The following WDR43 variants were observed in gnomAD, a reference collection of about 807,000 sequenced individuals.
The protein encoded by WDR43 is WD repeat-containing protein 43.
Under a neutral mutation model 91.4 loss-of-function variants are expected in WDR43, and 13 were observed. That is an observed-to-expected ratio of 0.14 (90% confidence interval 0.09 to 0.23). The LOEUF (loss-of-function observed/expected upper bound fraction) is 0.23, where lower values mean the gene tolerates loss of function less well. Among genes scored for constraint, WDR43 ranks in the 10% least tolerant of loss-of-function variants. The pLI, the probability that WDR43 is intolerant of heterozygous loss-of-function variation, is 1.00. For synonymous variants in WDR43, 331 were observed against 287.9 expected, an observed-to-expected ratio of 1.15 and a Z score of -1.51; for missense variants, 780 against 809.4, an observed-to-expected ratio of 0.96 and a Z score of 0.44.
At chr2:28,896,228 T>TG (rs1299687028) in intron 1 of WDR43, among the ~76,000 whole-genome samples, 3 of 152,134 alleles carry the variant, frequency 2.0e-5, no homozygotes, top group Non-Finnish European at 4.4e-5. Context: ...TACGGAGCAG[T>TG]GGTTAGGTAG....
At chr2:28,926,308 A>G (rs1014408658) in intron 8 of WDR43, among the ~76,000 whole-genome samples, 160 bp from the exon 9 acceptor site, 1 of 152,208 alleles carries the variant, frequency 6.6e-6, no homozygotes, top group East Asian at 1.9e-4. Flanking sequence ...GATCGTGGTT[A>G]ACAATTGAGT....
At position 28,901,902 on chromosome 2, in the gene WDR43, G is replaced by T. The variant is rs959142151; in HGVS notation, c.226-85G>T. On this transcript the variant is annotated intron_variant, in intron 1 of 17. Transcript: ENST00000407426. ...CCCCCCTTTTAAAATGTCTTTTGTGGGCTGGTGGGCATTTGTATTTGTTCA... is the reference window on the plus strand; with the variant it reads ...CCCCCCTTTTAAAATGTCTTTTGTGTGCTGGTGGGCATTTGTATTTGTTCA... 3.8e-6 allele frequency: 5 copies of T among 1,317,810 alleles called. No homozygotes were observed. In the African/African-American group the frequency reaches 7.6e-5, roughly 20 times the overall value. 81.6% of individuals were successfully genotyped at this position (1,317,810 alleles called of 1,614,324 possible).
chr2:28,902,344 T>G (rs558411990), intron 2 of WDR43, among the ~76,000 whole-genome samples: 2 of 152,314 alleles, frequency 1.3e-5, no homozygotes, highest in East Asian at 3.9e-4. Flanking sequence ...ACTTATTGAC[T>G]AGGTTTAAAA....
intron 5 of WDR43, among the ~76,000 whole-genome samples, chr2:28,916,794 A>G (rs1670919405): frequency 6.6e-6 from 1 of 151,932 alleles, no homozygotes; most frequent in African/African-American, 2.4e-5. Flanking sequence ...TTTTTCATCT[A>G]TTTATTTTTT....
chr2:28,936,449 G>A (rs1671338553), intron 12 of WDR43, among the ~76,000 whole-genome samples: 1 of 152,150 alleles, frequency 6.6e-6, no homozygotes, highest in Non-Finnish European at 1.5e-5. Flanking sequence ...GGGTGGTCAT[G>A]TGTTTTTGTA....
chr2:28,926,671 T>C (rs1671149544), intron 9 of WDR43, 117 bp downstream of exon 9: 1 of 895,440 alleles, frequency 1.1e-6, no homozygotes. Context: ...CTTTATTCTC[T>C]TGTCTTATAA....
intron 14 of WDR43, 86 bp downstream of exon 14, chr2:28,938,080 A>C: frequency 7.1e-7 from 1 of 1,410,508 alleles, no homozygotes; most frequent in Non-Finnish European, 9.9e-7. Flanking sequence ...GCTGAACAAA[A>C]CCATCCTTTC....
intron 7 of WDR43, among the ~76,000 whole-genome samples, chr2:28,924,239 G>A (rs1671087626): frequency 6.6e-6 from 1 of 152,180 alleles, no homozygotes; most frequent in Admixed American, 6.5e-5. Flanking sequence ...AAACCACTAA[G>A]AAAGGAATTC....
chr2:28,904,006 T>C (rs771584123), intron 2 of WDR43, among the ~76,000 whole-genome samples: 1 of 152,154 alleles, frequency 6.6e-6, no homozygotes, highest in Non-Finnish European at 1.5e-5. Context: ...GGTTTTGTCA[T>C]GTTGGCCATG....
chr2:28,896,259 T>C (rs1225306937), intron 1 of WDR43, among the ~76,000 whole-genome samples: 1 of 152,224 alleles, frequency 6.6e-6, no homozygotes, highest in Non-Finnish European at 1.5e-5. Flanking sequence ...CCAAGCTGGC[T>C]ATATTGTCTA....
intron 16 of WDR43, among the ~76,000 whole-genome samples, chr2:28,945,358 C>A (rs952993984): frequency 7.9e-5 from 12 of 152,210 alleles, no homozygotes; most frequent in African/African-American, 2.9e-4. Flanking sequence ...GTAAAATATC[C>A]TTTAAAGCTG....
intron 3 of WDR43, among the ~76,000 whole-genome samples, chr2:28,907,686 A>G (rs1175663348): frequency 6.6e-6 from 1 of 152,072 alleles, no homozygotes; most frequent in Non-Finnish European, 1.5e-5. Context: ...CGGGAGGATC[A>G]TGAGGTCAGG....
At chr2:28,919,639 G>C (rs1165369304) in intron 6 of WDR43, among the ~76,000 whole-genome samples, 2 of 151,618 alleles carry the variant, frequency 1.3e-5, no homozygotes, top group Non-Finnish European at 2.9e-5. Context: ...CTGGGTGACA[G>C]AGCGAGACTC....
intron 16 of WDR43, 50 bp from the exon 17 acceptor site, chr2:28,946,400 A>G: frequency 1.3e-6 from 2 of 1,559,176 alleles, no homozygotes; most frequent in Non-Finnish European, 1.7e-6. Flanking sequence ...TCCAGGCTGT[A>G]CCCTCTGTTT....
chr2:28,896,859 T>A (rs1670490115), intron 1 of WDR43, among the ~76,000 whole-genome samples: 1 of 152,056 alleles, frequency 6.6e-6, no homozygotes, highest in Non-Finnish European at 1.5e-5. Context: ...CAAACGAGAG[T>A]TGAGCTACAT....
intron 8 of WDR43, among the ~76,000 whole-genome samples, chr2:28,926,166 G>A (rs761031983): frequency 6.6e-6 from 1 of 152,096 alleles, no homozygotes; most frequent in Non-Finnish European, 1.5e-5. Context: ...AACCTGTTAC[G>A]TTTAAAAATT....
Position 28,946,472 on chromosome 2 carries a change from T to A in WDR43, c.1827T>A (p.Asp609Glu). 1 of 1,612,134 alleles carries A rather than the reference T, an allele frequency of 6.2e-7. No homozygotes were observed. Among genetic ancestry groups the A allele is most frequent in the Non-Finnish European group, 8.5e-7 (1 of 1,179,124 alleles). The change falls in exon 17 of 18, where the codon GAT becomes GAA. Residue 609 changes from aspartate to glutamate, a missense_variant. Transcript: ENST00000407426. ...YEEESSEEESDDEIADKDSED... is the reference protein window; with the variant it reads ...YEEESSEEESEDEIADKDSED... The stretch of plus-strand genomic sequence containing the variant: ...CAGAGTCTTCTGAAGAGGAGTCTGA[T>A]GATGAAATAGCAGATAAGGATTCTG...
chr2:28,916,870 C>T (rs1183644410), intron 5 of WDR43, among the ~76,000 whole-genome samples: 1 of 151,660 alleles, frequency 6.6e-6, no homozygotes, highest in African/African-American at 2.4e-5. Flanking sequence ...TATATAAAAC[C>T]TTGTTTTATG....
chr2:28,923,031 T>TG (rs1195585862), intron 7 of WDR43, 48 bp downstream of exon 7: 1 of 1,514,266 alleles, frequency 6.6e-7, no homozygotes. Context: ...TTCCCTGACT[T>TG]GTTACTTGGT....
Sources: allele counts gnomAD v4.1 joint callset (sites outside exome capture counted in the v4.1 genomes callset), GRCh38; gene constraint gnomAD v4.1.1; transcripts MANE v1.5; gene names NCBI Gene and HGNC (gene_info 2026-07-23, HGNC 2026-07-21).